The following TMEM74 variants were observed in gnomAD, a reference collection of about 807,000 sequenced individuals.
TMEM74 encodes transmembrane protein 74.
A neutral mutation model predicts 18.1 loss-of-function variants in TMEM74; 13 were observed. The observed-to-expected ratio is 0.72, with a 90% CI of 0.47 to 1.14. The LOEUF (loss-of-function observed/expected upper bound fraction) is 1.14. Among genes scored for constraint, TMEM74 ranks in the 50% most tolerant of loss-of-function variants. The probability of loss-of-function intolerance (pLI) is 0.00; values close to 1 mark genes in which losing one functional copy is unlikely to be tolerated. For missense variants in TMEM74, 372 were observed against 375.9 expected (o/e 0.99, Z 0.09); for synonymous variants, 159 against 146.6 (o/e 1.08, Z -0.61).
intron 1 of TMEM74, among the ~76,000 whole-genome samples, chr8:108,766,532 G>C (rs1406216478): frequency 1.3e-5 from 2 of 152,098 alleles, no homozygotes; most frequent in Non-Finnish European, 2.9e-5. Context: ...TCTTCCACGT[G>C]GGCCACCATA....
intron 2 of TMEM74, among the ~76,000 whole-genome samples, chr8:108,644,024 A>G (rs1242237010): frequency 6.6e-6 from 1 of 152,182 alleles, no homozygotes; most frequent in East Asian, 1.9e-4. Context: ...TAGAACCAAA[A>G]AAAGAGCCTA....
intron 1 of TMEM74, among the ~76,000 whole-genome samples, chr8:108,720,588 T>A (rs1240315547): frequency 6.6e-6 from 1 of 152,190 alleles, no homozygotes; most frequent in Admixed American, 6.5e-5. Flanking sequence ...AATTAGGTAG[T>A]CTATAAGCTC....
chr8:108,641,246 T>C (rs994318679), intron 2 of TMEM74, among the ~76,000 whole-genome samples: 6 of 152,154 alleles, frequency 3.9e-5, no homozygotes, highest in Non-Finnish European at 8.8e-5. Flanking sequence ...AACCAACATA[T>C]TGTGTTTTCT....
chr8:108,712,724 T>C (rs1464837503), intron 1 of TMEM74, among the ~76,000 whole-genome samples: 1 of 151,616 alleles, frequency 6.6e-6, no homozygotes, highest in African/African-American at 2.4e-5. Context: ...TGTGTGTGCG[T>C]GTGTGTGTGT....
intron 2 of TMEM74, chr8:108,652,819 TG>T: frequency 1.9e-6 from 1 of 528,588 alleles, no homozygotes; most frequent in Non-Finnish European, 3.6e-6. Context: ...TTGAGTAGAC[TG>T]GCTGGACAGA....
intron 1 of TMEM74, among the ~76,000 whole-genome samples, chr8:108,670,035 GA>G (rs1192889404): frequency 0.012 from 706 of 60,876 alleles, 2 homozygotes; most frequent in African/African-American, 0.031. Context: ...AAGATTCTGT[GA>G]AAAAAAAAAA....
At chr8:108,770,804 G>A (rs1282808757) in intron 1 of TMEM74, among the ~76,000 whole-genome samples, 1 of 152,038 alleles carries the variant, frequency 6.6e-6, no homozygotes, top group Non-Finnish European at 1.5e-5. Flanking sequence ...GTAAGTAAAG[G>A]ACAAACTGGG....
intron 1 of TMEM74, among the ~76,000 whole-genome samples, chr8:108,748,237 AC>A (rs1187499746): frequency 1.3e-5 from 2 of 152,014 alleles, no homozygotes; most frequent in Admixed American, 1.3e-4. Flanking sequence ...TTGTTTATTG[AC>A]TTTTTAGTAA....
intron 1 of TMEM74, among the ~76,000 whole-genome samples, chr8:108,668,883 C>A (rs1438220461): frequency 6.6e-6 from 1 of 151,878 alleles, no homozygotes; most frequent in Non-Finnish European, 1.5e-5. Context: ...CTGCTTGGTC[C>A]TAAAGCATTG....
rs1563738897 is a variant in TMEM74 at position 108,643,879 on chromosome 8, T to G, written n.264+11414A>C. Among the ~76,000 whole-genome samples the G allele has an allele frequency of 2.0e-5, 3 of 152,110 alleles. No individual in the cohort carries two copies. The South Asian group carries it at 6.2e-4, about 32-fold the overall frequency. On this transcript the variant is annotated intron_variant and non_coding_transcript_variant, in intron 2 of 3. Coordinates refer to the TMEM74 transcript ENST00000518838. ...CATAAACAACTGGAAAAATATTCCA[T>G]GCTCATGGATTAGAAAAATCAATGT...
intron 1 of TMEM74, among the ~76,000 whole-genome samples, chr8:108,689,656 T>C (rs1427976646): frequency 6.6e-6 from 1 of 152,204 alleles, no homozygotes; most frequent in African/African-American, 2.4e-5. Flanking sequence ...TGGAATGATG[T>C]TGGCTTTGGA....
At chr8:108,659,836 C>CA (rs1336029156) in intron 1 of TMEM74, among the ~76,000 whole-genome samples, 114 of 152,092 alleles carry the variant, frequency 7.5e-4, no homozygotes, top group African/African-American at 2.7e-3. Context: ...TTCAGAGAGC[C>CA]ATCTCACCTA....
intron 2 of TMEM74, among the ~76,000 whole-genome samples, chr8:108,649,417 A>T (rs1448872607): frequency 6.6e-6 from 1 of 152,186 alleles, no homozygotes; most frequent in Admixed American, 6.6e-5. Context: ...TAATATGAGA[A>T]GTAACAATAA....
downstream of TMEM74, among the ~76,000 whole-genome samples, chr8:108,778,407 G>A (rs1463626441): frequency 6.6e-6 from 1 of 152,096 alleles, no homozygotes; most frequent in Non-Finnish European, 1.5e-5. Flanking sequence ...GACCTGCAAG[G>A]GTCATATAGC....
intron 3 of TMEM74, among the ~76,000 whole-genome samples, chr8:108,608,180 T>C (rs1364495231): frequency 6.6e-6 from 1 of 151,644 alleles, no homozygotes; most frequent in Non-Finnish European, 1.5e-5. Context: ...TGCGTGCCTG[T>C]AGTCCCGGCT....
At chr8:108,674,530 G>A (rs1281801819) in intron 1 of TMEM74, among the ~76,000 whole-genome samples, 2 of 152,236 alleles carry the variant, frequency 1.3e-5, no homozygotes, top group African/African-American at 2.4e-5. Flanking sequence ...AGGCCAGTAA[G>A]TCTGAAGATT....
At chr8:108,786,110 A>G (rs1023742816) in intron 1 of TMEM74, among the ~76,000 whole-genome samples, 1 of 152,192 alleles carries the variant, frequency 6.6e-6, no homozygotes, top group South Asian at 2.1e-4. Context: ...GTGAACTGAT[A>G]ATAAAAGACA....
At chr8:108,725,091 C>T (rs1173691188) in intron 1 of TMEM74, among the ~76,000 whole-genome samples, 2 of 152,178 alleles carry the variant, frequency 1.3e-5, no homozygotes, top group East Asian at 1.9e-4. Context: ...AGGCCCACTT[C>T]GAGCCATCTC....
intron 1 of TMEM74, among the ~76,000 whole-genome samples, chr8:108,700,130 GGTGTGTGTGTGTGTGTGTGTGTGT>G (rs3049748): frequency 7.0e-6 from 1 of 143,076 alleles, no homozygotes; most frequent in Non-Finnish European, 1.5e-5. Context: ...GGCCATAAAT[GGTGTGTGTGTGTGTGTGTGTGTGT>G]GTGTGTGTGT....
Sources: allele counts gnomAD v4.1 joint callset (sites outside exome capture counted in the v4.1 genomes callset), GRCh38; gene constraint gnomAD v4.1.1; transcripts MANE v1.5; gene names NCBI Gene and HGNC (gene_info 2026-07-23, HGNC 2026-07-21).